CNGB3: variants seen among roughly 807,000 people sequenced by gnomAD.
CNGB3 encodes the protein cyclic nucleotide-gated channel beta-3.
In CNGB3, 86 loss-of-function variants were observed where a neutral mutation model predicts 92.8. The observed-to-expected ratio is 0.93, with a 90% CI of 0.78 to 1.11. The LOEUF is 1.11. Ranked by LOEUF, CNGB3 falls within the 50% of genes least tolerant of loss-of-function variation. The pLI is 0.00. For missense variants in CNGB3, 1,026 were observed against 956.8 expected, an observed-to-expected ratio of 1.07 and a Z score of -0.95; for synonymous variants, 333 against 332.7, an observed-to-expected ratio of 1.00 and a Z score of -0.01.
At chr8:86,662,465 G>T (rs1652453431) in intron 6 of CNGB3, among the ~76,000 whole-genome samples, 1 of 152,212 alleles carries the variant, frequency 6.6e-6, no homozygotes. Context: ...AAAGTGAAGT[G>T]TGTGGACAAC....
chr8:86,705,370 T>TA (rs1036193060), intron 3 of CNGB3, among the ~76,000 whole-genome samples: 29 of 150,656 alleles, frequency 1.9e-4, no homozygotes, highest in African/African-American at 6.3e-4. Context: ...CAGGTGTGAG[T>TA]AAAAAAAAAG....
Position 86,705,801 on chromosome 8 carries a change from A to G in CNGB3, c.338+20730T>C, listed in dbSNP as rs184723731. Among the ~76,000 whole-genome samples the G allele has an allele frequency of 3.9e-5, 6 of 152,284 alleles. No individual in the cohort carries two copies. The East Asian group carries it at 1.2e-3, about 29-fold the overall frequency. On this transcript the variant is annotated intron_variant, in intron 3 of 17. Coordinates refer to ENST00000320005, the MANE Select transcript of CNGB3 (RefSeq NM_019098.5). ...GAGACAGTAAGTTGCTGGGCTTTCT[A>G]AATTTGTATTTGCACCAATGCATGG...
intron 3 of CNGB3, among the ~76,000 whole-genome samples, chr8:86,723,995 G>A (rs1372732638): frequency 6.6e-6 from 1 of 152,058 alleles, no homozygotes; most frequent in African/African-American, 2.4e-5. Flanking sequence ...ACAAGGACAC[G>A]TTGAAGAAAA....
Position 86,743,088 on chromosome 8 carries a change from G to A in CNGB3, c.129+411C>T, listed in dbSNP as rs112979393. ...CAAATGTCCCTTGAGTGGTAAAATC[G>A]CTCTCAATTGAGAGCCAATAGGTTT... On this transcript the variant is annotated intron_variant, in intron 1 of 17. Coordinates refer to ENST00000320005, the MANE Select transcript of CNGB3 (RefSeq NM_019098.5). Among the ~76,000 whole-genome samples, 46 of 152,088 alleles carry A rather than the reference G, an allele frequency of 3.0e-4. No individual in the cohort carries two copies. In the South Asian group the frequency reaches 6.4e-3, roughly 21 times the overall value.
chr8:86,619,466 A>G (rs1822684384), intron 13 of CNGB3, among the ~76,000 whole-genome samples: 1 of 152,106 alleles, frequency 6.6e-6, no homozygotes, highest in Admixed American at 6.6e-5. Context: ...TTGACTATTC[A>G]TCTCTGAGCT....
intron 3 of CNGB3, chr8:86,703,933 A>G (rs1014300595): frequency 6.6e-5 from 10 of 152,300 alleles, no homozygotes; most frequent in African/African-American, 2.4e-4. Flanking sequence ...CATAAAAACT[A>G]ATATTTCTTA....
At chr8:86,688,323 C>T (rs1460278859) in intron 3 of CNGB3, among the ~76,000 whole-genome samples, 1 of 152,024 alleles carries the variant, frequency 6.6e-6, no homozygotes, top group Non-Finnish European at 1.5e-5. Context: ...ATAAAATGGA[C>T]AAATATTACC....
At chr8:86,597,314 G>A (rs1822193498) in intron 15 of CNGB3, among the ~76,000 whole-genome samples, 1 of 152,162 alleles carries the variant, frequency 6.6e-6, no homozygotes, top group Admixed American at 6.5e-5. Flanking sequence ...TGAGAACTGG[G>A]TTCCTGCCCT....
chr8:86,709,330 C>G (rs1283582965), intron 3 of CNGB3, among the ~76,000 whole-genome samples: 2 of 152,062 alleles, frequency 1.3e-5, no homozygotes, highest in Admixed American at 6.6e-5. Flanking sequence ...TCAACTTGTC[C>G]CCTGGCTACG....
chr8:86,688,733 A>AT (rs1428021661), intron 3 of CNGB3, among the ~76,000 whole-genome samples: 3 of 150,376 alleles, frequency 2.0e-5, no homozygotes, highest in African/African-American at 7.3e-5. Context: ...AGGTTTGTTG[A>AT]TTTTGTTTAT....
intron 15 of CNGB3, among the ~76,000 whole-genome samples, chr8:86,591,649 C>T (rs1378970935): frequency 6.6e-6 from 1 of 152,214 alleles, no homozygotes; most frequent in Non-Finnish European, 1.5e-5. Flanking sequence ...AGTTAGGCTG[C>T]TCAGGGGTCA....
chr8:86,645,554 C>T (rs1307623015), intron 8 of CNGB3, among the ~76,000 whole-genome samples: 1 of 151,262 alleles, frequency 6.6e-6, no homozygotes. Context: ...AAATCATAGA[C>T]TCTTACAGAT....
chr8:86,725,457 T>G (rs906390358), intron 3 of CNGB3, among the ~76,000 whole-genome samples: 1 of 152,228 alleles, frequency 6.6e-6, no homozygotes, highest in Admixed American at 6.5e-5. Context: ...TTACAGTCCT[T>G]ACCTCAGAGT....
intron 12 of CNGB3, 73 bp downstream of exon 12, chr8:86,628,844 GTC>G: frequency 6.7e-7 from 1 of 1,490,396 alleles, no homozygotes; most frequent in South Asian, 1.1e-5. Flanking sequence ...AATCCAACTA[GTC>G]TCTGCTACCT....
chr8:86,683,928 G>T (rs1006947811), intron 3 of CNGB3, among the ~76,000 whole-genome samples: 1 of 152,150 alleles, frequency 6.6e-6, no homozygotes, highest in East Asian at 1.9e-4. Flanking sequence ...GGCTGGCAAA[G>T]AGTTCTTAAG....
At chr8:86,687,422 G>T (rs543940284) in intron 3 of CNGB3, among the ~76,000 whole-genome samples, 37 of 152,124 alleles carry the variant, frequency 2.4e-4, no homozygotes, top group African/African-American at 7.2e-4. Context: ...CTAAGTGAAA[G>T]AAGCTAGACA....
At chr8:86,583,229 A>G (rs1821826091) in intron 15 of CNGB3, among the ~76,000 whole-genome samples, 1 of 152,192 alleles carries the variant, frequency 6.6e-6, no homozygotes, top group South Asian at 2.1e-4. Flanking sequence ...TTGTTATAAA[A>G]GACAACTGTT....
intron 15 of CNGB3, among the ~76,000 whole-genome samples, chr8:86,597,053 A>C (rs1335003147): frequency 6.6e-6 from 1 of 152,170 alleles, no homozygotes; most frequent in Non-Finnish European, 1.5e-5. Context: ...GAGGGATAGC[A>C]TTAGGAGAAA....
At chr8:86,737,404 A>G (rs1208098254) in intron 2 of CNGB3, among the ~76,000 whole-genome samples, 2 of 152,142 alleles carry the variant, frequency 1.3e-5, no homozygotes, top group East Asian at 3.9e-4. Flanking sequence ...GTAAAATTCA[A>G]TTATTTTCTT....
Sources: allele counts gnomAD v4.1 joint callset (sites outside exome capture counted in the v4.1 genomes callset), GRCh38; gene constraint gnomAD v4.1.1; transcripts MANE v1.5; gene names NCBI Gene and HGNC (gene_info 2026-07-23, HGNC 2026-07-21).